Variants in NTF3 observed in about 807,000 individuals in gnomAD.
The protein encoded by NTF3 is neurotrophin-3.
In NTF3, 8 loss-of-function variants were observed where a neutral mutation model predicts 26.3. The ratio of observed to expected loss-of-function variants is 0.30; its 90% CI spans 0.18 to 0.55. The LOEUF is 0.55. NTF3 is among the 20% of genes least tolerant of loss of function. The pLI is 0.93. For synonymous variants in NTF3, 154 were observed against 145.5 expected, an observed-to-expected ratio of 1.06 and a Z score of -0.42; for missense variants, 276 against 352.9, an observed-to-expected ratio of 0.78 and a Z score of 1.75.
chr12:5,432,439 A>T lies in NTF3; in HGVS notation c.18+97A>T, dbSNP rs71583809. ...AGTGGACTGGTGCGGGGGGCCCCAG[A>T]TCCGCATCCCGCCCCACCCCCATCG... On this transcript the variant is annotated intron_variant, in intron 1 of 1. Transcript: ENST00000423158. 3.2e-3 allele frequency: 4,331 copies of T among 1,340,310 alleles called. 16 individuals are homozygous for T. The highest frequency in any genetic ancestry group is 3.7e-3 in the Non-Finnish European group (3,513 of 952,680). The allele number at this position is 1,340,310 out of a possible 1,614,324, so 83.0% of individuals were successfully genotyped here.
intron 1 of NTF3, among the ~76,000 whole-genome samples, chr12:5,446,182 C>T (rs1940302812): frequency 6.6e-6 from 1 of 152,168 alleles, no homozygotes; most frequent in Non-Finnish European, 1.5e-5. Flanking sequence ...TTAGTTCCCC[C>T]AACAACTCAC....
chr12:5,470,899 T>C (rs1940656360), intron 1 of NTF3, among the ~76,000 whole-genome samples: 1 of 152,192 alleles, frequency 6.6e-6, no homozygotes, highest in Non-Finnish European at 1.5e-5. Flanking sequence ...GTCTATTATT[T>C]TGAAATACAT....
chr12:5,494,817 C>A lies in NTF3; in HGVS notation c.642C>A (p.Val214=). Residue 214 remains valine, a synonymous_variant, in exon 2 of 2, where the codon GTC becomes GTA. Coordinates refer to ENST00000423158, the MANE Select transcript of NTF3 (RefSeq NM_001102654.2). This position sits in a 1 kb window ranked among gnomAD's most constrained non-coding sequence, Gnocchi z 8.3. Reference sequence around the variant, plus strand: ...CGCGATGTAAGGAAGCCAGGCCGGTCAAAAACGGTTGCAGGGGTATTGATG... The same window carrying A: ...CGCGATGTAAGGAAGCCAGGCCGGTAAAAAACGGTTGCAGGGGTATTGATG... The part of the protein sequence containing the change: ...YETRCKEARP[V]KNGCRGIDDK... 2 of 1,614,076 alleles carry A rather than the reference C, an allele frequency of 1.2e-6. No individual in the cohort carries two copies. The highest frequency in any genetic ancestry group is 1.7e-6 in the Non-Finnish European group (2 of 1,180,028).
chr12:5,474,168 G>C (rs1266346799), intron 1 of NTF3, among the ~76,000 whole-genome samples: 1 of 152,196 alleles, frequency 6.6e-6, no homozygotes, highest in Non-Finnish European at 1.5e-5. Context: ...CTTTGATCCA[G>C]TGACTTTATT....
chr12:5,439,816 T>G (rs1013989708), intron 1 of NTF3, among the ~76,000 whole-genome samples: 4 of 152,194 alleles, frequency 2.6e-5, no homozygotes, highest in African/African-American at 9.7e-5. Context: ...GCATGAGGTA[T>G]CTTTAGAATT....
At chr12:5,461,514 C>T (rs974952677) in intron 1 of NTF3, among the ~76,000 whole-genome samples, 10 of 152,086 alleles carry the variant, frequency 6.6e-5, no homozygotes, top group Non-Finnish European at 1.3e-4. Context: ...CAGGCTGCAC[C>T]GGCCTGCCTA....
rs566303507 is a variant in NTF3 at position 5,488,543 on chromosome 12, T to C, written c.19-5651T>C. 1.5e-4 allele frequency among the ~76,000 whole-genome samples: 23 copies of C among 152,336 alleles called. No individual in the cohort carries two copies. The South Asian group carries it at 4.8e-3, about 32-fold the overall frequency. On this transcript the variant is annotated intron_variant, in intron 1 of 1. Transcript: ENST00000423158. The stretch of plus-strand genomic sequence containing the variant: ...TGACTAATTCTGAGGCCTCAAGACC[T>C]ATGTTCAGAGCAAAGCCAGTGTGAA...
In NTF3 at chr12:5,494,717, T is replaced by C; in HGVS notation, c.542T>C (p.Ile181Thr). Residue 181 changes from isoleucine to threonine, a missense_variant, in exon 2 of 2, where the codon ATT becomes ACT. Transcript: ENST00000423158. The surrounding 1 kb of genome is among the most constrained non-coding windows in gnomAD (Gnocchi z 8.3). Reference sequence around the variant, plus strand: ...ACCGACAAGTCATCGGCCATCGACATTCGGGGACACCAGGTCACGGTGCTG... The same window carrying C: ...ACCGACAAGTCATCGGCCATCGACACTCGGGGACACCAGGTCACGGTGCTG... ...WVTDKSSAID[I>T]RGHQVTVLGE... The C allele has an allele frequency of 6.2e-7, 1 of 1,614,116 alleles. No homozygotes were observed. Among genetic ancestry groups the C allele is most frequent in the Non-Finnish European group, 8.5e-7 (1 of 1,180,016 alleles).
intron 1 of NTF3, among the ~76,000 whole-genome samples, chr12:5,439,346 T>C (rs1331815187): frequency 1.3e-5 from 2 of 152,234 alleles, no homozygotes; most frequent in East Asian, 3.8e-4. Flanking sequence ...TATGCTGATG[T>C]TCTTGGCTTT....
chr12:5,487,263 C>T (rs536142410), intron 1 of NTF3, among the ~76,000 whole-genome samples: 5 of 152,346 alleles, frequency 3.3e-5, no homozygotes, highest in Non-Finnish European at 4.4e-5. Flanking sequence ...ACTGTTTTGA[C>T]GTGTGCCATG....
At chr12:5,431,472 C>A (rs1045026159), upstream of NTF3, among the ~76,000 whole-genome samples, 45 of 152,230 alleles carry the variant, frequency 3.0e-4, no homozygotes, top group African/African-American at 8.2e-4. Context: ...GCCGACACAG[C>A]GTCCTGGGTG....
chr12:5,455,716 T>A (rs748704961), intron 1 of NTF3, among the ~76,000 whole-genome samples: 1 of 152,204 alleles, frequency 6.6e-6, no homozygotes, highest in African/African-American at 2.4e-5. Flanking sequence ...AAAGGAGGTG[T>A]GGCTCTGAGA....
intron 1 of NTF3, among the ~76,000 whole-genome samples, chr12:5,461,853 C>T (rs565454781): frequency 8.5e-5 from 13 of 152,174 alleles, no homozygotes; most frequent in Admixed American, 2.6e-4. Flanking sequence ...TGCTGATCCA[C>T]GACTCTTATT....
In NTF3 at chr12:5,433,236, C is replaced by A. The variant is rs886180853; in HGVS notation, c.18+894C>A. Reference sequence around the variant, plus strand: ...GCGGCGGGCACCCGGGCCCGGCCATCCCAGGGGATCTCCTTGCGGTATCGT... The same window carrying A: ...GCGGCGGGCACCCGGGCCCGGCCATACCAGGGGATCTCCTTGCGGTATCGT... On this transcript the variant is annotated intron_variant, in intron 1 of 1. Transcript: ENST00000423158. This position sits in a 1 kb window ranked among gnomAD's most constrained non-coding sequence, Gnocchi z 4.6. 1 of 152,238 alleles carries A rather than the reference C, an allele frequency of 6.6e-6. No individual in the cohort carries two copies. The highest frequency in any genetic ancestry group is 1.5e-5 in the Non-Finnish European group (1 of 68,090). 9.4% of individuals were successfully genotyped at this position (152,238 alleles called of 1,614,324 possible). A position where few individuals can be genotyped will look rare whatever the true frequency, so the allele number is the denominator to read the frequency against.
At position 5,494,356 on chromosome 12, in the gene NTF3, C is replaced by T. The variant is rs376541283; in HGVS notation, c.181C>T (p.Leu61Phe). 1.1e-5 allele frequency: 17 copies of T among 1,613,962 alleles called. No individual in the cohort carries two copies. In the African/African-American group the frequency reaches 2.1e-4, roughly 20 times the overall value. ...CCAGGCAGATATTTTGAAAAACAAGCTCTCCAAGCAGATGGTGGACGTTAA... is the reference window on the plus strand; with the variant it reads ...CCAGGCAGATATTTTGAAAAACAAGTTCTCCAAGCAGATGGTGGACGTTAA... ...LIQADILKNK[L>F]SKQMVDVKEN... The change falls in exon 2 of 2, where the codon CTC becomes TTC. Residue 61 changes from leucine (L) to phenylalanine (F), a missense_variant. Leu to Phe is a conservative substitution (Grantham distance 22). Around this residue, in one of 3 missense-constraint regions of NTF3, gnomAD observed 221 missense variants for 258.2 expected, o/e 0.86. Transcript: ENST00000423158. The surrounding 1 kb of genome is among the most constrained non-coding windows in gnomAD (Gnocchi z 8.3).
At chr12:5,463,618 A>T (rs1940550537) in intron 1 of NTF3, among the ~76,000 whole-genome samples, 1 of 152,190 alleles carries the variant, frequency 6.6e-6, no homozygotes, top group Non-Finnish European at 1.5e-5. Flanking sequence ...GGTGCAAATT[A>T]TTAAGGATGG....
At chr12:5,455,533 A>AACAC (rs60429736) in intron 1 of NTF3, among the ~76,000 whole-genome samples, 3,769 of 103,704 alleles carry the variant, frequency 0.036, 119 homozygotes, top group Middle Eastern at 0.059. Context: ...ACCCCTCCCC[A>AACAC]ACACACACAC....
At chr12:5,449,616 A>T (rs1464043032) in intron 1 of NTF3, among the ~76,000 whole-genome samples, 1 of 152,038 alleles carries the variant, frequency 6.6e-6, no homozygotes, top group Non-Finnish European at 1.5e-5. Flanking sequence ...AACATTCCTG[A>T]CTCCCGACTT....
intron 1 of NTF3, among the ~76,000 whole-genome samples, chr12:5,482,658 A>G (rs1940821185): frequency 6.6e-6 from 1 of 151,048 alleles, no homozygotes; most frequent in South Asian, 2.1e-4. Flanking sequence ...GCTCAACTGA[A>G]ACCCCCTGTA....
Sources: gnomAD v4.1 joint callset for allele counts (sites outside exome capture counted in the v4.1 genomes callset) on GRCh38, gnomAD v4.1.1 for gene constraint, gnomAD v4.1.1 regional missense constraint, Gnocchi (gnomAD v3.1) non-coding constraint, MANE v1.5 for transcripts, NCBI Gene and HGNC (gene_info 2026-07-23, HGNC 2026-07-21) for gene names.